The following ZNF143 variants were observed in gnomAD, a reference collection of about 807,000 sequenced individuals.
The protein encoded by ZNF143 is zinc finger protein 143.
ZNF143 carries 49 observed loss-of-function variants against 74.1 expected under a neutral mutation model. The ratio of observed to expected loss-of-function variants is 0.66; its 90% CI spans 0.53 to 0.84. The LOEUF is 0.84. ZNF143 is among the 40% of genes least tolerant of loss of function. The pLI is 0.00. For synonymous variants in ZNF143, 304 were observed against 282.8 expected, an observed-to-expected ratio of 1.07 and a Z score of -0.75; for missense variants, 637 against 793.4, an observed-to-expected ratio of 0.80 and a Z score of 2.37.
In ZNF143 at chr11:9,496,425, A is replaced by G. The variant is rs371614531; in HGVS notation, c.841+47A>G. The G allele has an allele frequency of 3.9e-5, 59 of 1,520,166 alleles. 1 individual carries two copies. The African/African-American group carries it at 7.4e-4, about 19-fold the overall frequency. The allele number at this position is 1,520,166 out of a possible 1,614,324, so 94.2% of individuals were successfully genotyped here. A position where few individuals can be genotyped will look rare whatever the true frequency, so the allele number is the denominator to read the frequency against. The stretch of plus-strand genomic sequence containing the variant: ...TTTTCTTGGTTCCAATTAGGGGTCA[A>G]GTAGAGACAGGCTAGTGGAAGGAAC... On this transcript the variant is annotated intron_variant, in intron 9 of 15. Coordinates refer to ENST00000396602, the MANE Select transcript of ZNF143 (RefSeq NM_003442.6).
At chr11:9,466,237 C>T (rs1313600996) in intron 1 of ZNF143, among the ~76,000 whole-genome samples, 3 of 151,748 alleles carry the variant, frequency 2.0e-5, no homozygotes, top group African/African-American at 7.3e-5. Flanking sequence ...CCCATCTCAG[C>T]CTCCCAGAGT....
At chr11:9,508,575 C>G in intron 11 of ZNF143, 44 bp from the exon 12 acceptor site, 1 of 1,580,260 alleles carries the variant, frequency 6.3e-7, no homozygotes, top group Non-Finnish European at 8.6e-7. Context: ...ATGATTTTGC[C>G]TACATATGTA....
intron 3 of ZNF143, among the ~76,000 whole-genome samples, chr11:9,473,249 G>A (rs1856688978): frequency 6.6e-6 from 1 of 151,788 alleles, no homozygotes; most frequent in African/African-American, 2.4e-5. Context: ...AAATTAGCTG[G>A]GCATGGTGGC....
intron 1 of ZNF143, among the ~76,000 whole-genome samples, chr11:9,469,608 G>A (rs984076322): frequency 2.0e-5 from 3 of 152,106 alleles, no homozygotes; most frequent in Admixed American, 6.6e-5. Context: ...AGGAAATGAC[G>A]TTTCAGCTTG....
intron 7 of ZNF143, among the ~76,000 whole-genome samples, chr11:9,490,818 G>C (rs985258748): frequency 1.3e-5 from 2 of 152,030 alleles, no homozygotes; most frequent in African/African-American, 4.8e-5. Flanking sequence ...CTGCAGCCTT[G>C]ACCTCCCAGG....
chr11:9,491,362 C>T (rs141801039), intron 7 of ZNF143, among the ~76,000 whole-genome samples: 2,325 of 151,456 alleles, frequency 0.015, 78 homozygotes, highest in African/African-American at 0.053. Context: ...GTCGGCTGGG[C>T]GCGGTGGCTC....
At chr11:9,464,687 C>T (rs1010353008) in intron 1 of ZNF143, among the ~76,000 whole-genome samples, 14 of 151,620 alleles carry the variant, frequency 9.2e-5, no homozygotes, top group African/African-American at 3.4e-4. Context: ...TTTGGGAGGC[C>T]GAGGTGGGTG....
At chr11:9,486,384 TATAATATATATA>T (rs1471942807) in intron 7 of ZNF143, among the ~76,000 whole-genome samples, 355 of 26,148 alleles carry the variant, frequency 0.014, 14 homozygotes, top group Non-Finnish European at 0.019. Context: ...ATATTATATA[TATAATATATATA>T]ATATATTATA....
At chr11:9,476,192 T>C (rs1442193357) in intron 5 of ZNF143, among the ~76,000 whole-genome samples, 1 of 152,050 alleles carries the variant, frequency 6.6e-6, no homozygotes, top group Admixed American at 6.6e-5. Flanking sequence ...ATTACTTTTC[T>C]GTGCTTTAGT....
chr11:9,524,629 C>T (rs915074348), intron 14 of ZNF143, among the ~76,000 whole-genome samples: 1 of 152,080 alleles, frequency 6.6e-6, no homozygotes, highest in Non-Finnish European at 1.5e-5. Flanking sequence ...ATGTTATCTG[C>T]ATTTTTTTAA....
chr11:9,497,305 C>T (rs570340737), intron 9 of ZNF143, among the ~76,000 whole-genome samples: 4 of 152,148 alleles, frequency 2.6e-5, no homozygotes, highest in Non-Finnish European at 5.9e-5. Flanking sequence ...ATCTCGGCTC[C>T]CTGCAACCTC....
In ZNF143 at chr11:9,508,931, A is replaced by C. The variant is rs1312132442; in HGVS notation, c.1375+85A>C. ...AATTTATGATTCATAGCATTTTCTG[A>C]AATCCTAATGTGTCATTCGTATAAT... On this transcript the variant is annotated intron_variant, in intron 12 of 15. Coordinates refer to ENST00000396602, the MANE Select transcript of ZNF143 (RefSeq NM_003442.6). 8 of 1,359,212 alleles carry C rather than the reference A, an allele frequency of 5.9e-6. No homozygotes were observed. The African/African-American group carries it at 1.0e-4, about 17-fold the overall frequency. The allele number at this position is 1,359,212 out of a possible 1,614,324, so 84.2% of individuals were successfully genotyped here. A position where few individuals can be genotyped will look rare whatever the true frequency, so the allele number is the denominator to read the frequency against.
At chr11:9,507,822 T>G (rs1208524840) in intron 11 of ZNF143, among the ~76,000 whole-genome samples, 1 of 152,210 alleles carries the variant, frequency 6.6e-6, no homozygotes, top group Non-Finnish European at 1.5e-5. Context: ...AAAAAGAATG[T>G]TACCTGCAAC....
At chr11:9,466,018 G>A (rs1221928980) in intron 1 of ZNF143, among the ~76,000 whole-genome samples, 1 of 144,722 alleles carries the variant, frequency 6.9e-6, no homozygotes, top group Non-Finnish European at 1.5e-5. Context: ...TTGAGAGGGA[G>A]TTCACCCAGG....
intron 1 of ZNF143, among the ~76,000 whole-genome samples, chr11:9,466,846 A>G (rs1027380514): frequency 1.5e-5 from 2 of 134,760 alleles, no homozygotes; most frequent in African/African-American, 5.0e-5. Context: ...TATTATTGTA[A>G]TACTTTTAAA....
Position 9,527,729 on chromosome 11 carries a change from C to A in ZNF143, c.*116C>A. On this transcript the variant is annotated 3_prime_UTR_variant, in exon 16 of 16. Coordinates refer to ENST00000396602, the MANE Select transcript of ZNF143 (RefSeq NM_003442.6). ...TTTTCCATTCCTGATACACTGTACA[C>A]ATTTTTATGCGAGAGTGGAGAACAT... The A allele has an allele frequency of 1.2e-6, 1 of 847,080 alleles. No individual in the cohort carries two copies. Among genetic ancestry groups the A allele is most frequent in the Non-Finnish European group, 1.9e-6 (1 of 531,380 alleles). The allele number at this position is 847,080 out of a possible 1,614,324, so 52.5% of individuals were successfully genotyped here.
At chr11:9,470,463 G>C (rs1160759018) in intron 1 of ZNF143, among the ~76,000 whole-genome samples, 1 of 152,176 alleles carries the variant, frequency 6.6e-6, no homozygotes, top group Non-Finnish European at 1.5e-5. Flanking sequence ...GGGATGGACA[G>C]GGAAGCTCTC....
At position 9,512,512 on chromosome 11, in the gene ZNF143, C is replaced by T. The variant is rs763052310; in HGVS notation, c.1440C>T (p.Asp480=). 37 of 1,613,998 alleles carry T rather than the reference C, an allele frequency of 2.3e-5. No individual in the cohort carries two copies. The highest frequency in any genetic ancestry group is 4.5e-5 in the East Asian group (2 of 44,894). ...ATGTTACAGGTGTAGAAGGGGACGACGTTGTTTCTACACAAGTAGCCACAG... is the reference window on the plus strand; with the variant it reads ...ATGTTACAGGTGTAGAAGGGGACGATGTTGTTTCTACACAAGTAGCCACAG... ...ITYVTGVEGD[D]VVSTQVATVT... Residue 480 remains aspartate (D), a synonymous_variant, in exon 13 of 16, where the codon GAC becomes GAT. Coordinates refer to ENST00000396602, the MANE Select transcript of ZNF143 (RefSeq NM_003442.6).
intron 7 of ZNF143, among the ~76,000 whole-genome samples, chr11:9,494,423 C>T (rs1454553361): frequency 1.4e-4 from 21 of 152,134 alleles, no homozygotes; most frequent in Non-Finnish European, 4.4e-5. Context: ...CCTCCCATCT[C>T]AGCTTCCCAA....
Sources: gnomAD v4.1 joint callset for allele counts (sites outside exome capture counted in the v4.1 genomes callset) on GRCh38, gnomAD v4.1.1 for gene constraint, MANE v1.5 for transcripts, NCBI Gene and HGNC (gene_info 2026-07-23, HGNC 2026-07-21) for gene names.